Variants in PCDHA3 observed in about 807,000 individuals in gnomAD.
PCDHA3 encodes protocadherin alpha-3.
PCDHA3 carries 41 observed loss-of-function variants against 62.2 expected under a neutral mutation model. That is an observed-to-expected ratio of 0.66 (90% CI 0.51 to 0.86). The LOEUF is 0.86. Ranked by LOEUF, PCDHA3 falls within the 40% of genes least tolerant of loss-of-function variation. The pLI is 0.00. For missense variants in PCDHA3, 1,304 were observed against 1,241.2 expected (o/e 1.05, Z -0.76); for synonymous variants, 640 against 555.4 (o/e 1.15, Z -2.14).
At chr5:140,929,555 C>A in intron 1 of PCDHA3, 1 of 485,752 alleles carries the variant, frequency 2.1e-6, no homozygotes, top group Non-Finnish European at 3.5e-6. Context: ...AAATTAAAAC[C>A]TATTTAAGAA....
chr5:140,883,071 A>T, intron 1 of PCDHA3: 1 of 1,614,116 alleles, frequency 6.2e-7, no homozygotes, highest in Non-Finnish European at 8.5e-7. Context: ...AATGCCACAG[A>T]TCCTGATGAT....
chr5:140,927,482 C>G, intron 1 of PCDHA3: 1 of 1,614,086 alleles, frequency 6.2e-7, no homozygotes, highest in Non-Finnish European at 8.5e-7. Flanking sequence ...GAACAGCGCG[C>G]CACCCACCTG....
chr5:140,987,391 G>A (rs1277678841), intron 3 of PCDHA3, among the ~76,000 whole-genome samples: 1 of 152,140 alleles, frequency 6.6e-6, no homozygotes, highest in Non-Finnish European at 1.5e-5. Flanking sequence ...ATGCATGCAA[G>A]GAAGCCATCT....
At chr5:140,899,403 G>A (rs1458189120) in intron 1 of PCDHA3, among the ~76,000 whole-genome samples, 6 of 152,230 alleles carry the variant, frequency 3.9e-5, no homozygotes, top group Admixed American at 1.3e-4. Context: ...AGCATGAAGG[G>A]TTGTTGAATT....
chr5:140,968,094 A>G, intron 1 of PCDHA3: 1 of 1,614,138 alleles, frequency 6.2e-7, no homozygotes. Flanking sequence ...ACAGCCACAG[A>G]TGGGGGAATA....
chr5:140,896,046 G>A (rs1430238321), intron 1 of PCDHA3, among the ~76,000 whole-genome samples: 2 of 151,866 alleles, frequency 1.3e-5, no homozygotes, highest in East Asian at 1.9e-4. Context: ...CCTGACCTCA[G>A]GTGATCCGCC....
chr5:140,802,517 C>A lies in PCDHA3; in HGVS notation c.1320C>A (p.Ser440Arg), dbSNP rs1762935362. The A allele has an allele frequency of 4.3e-6, 7 of 1,614,132 alleles. No individual in the cohort carries two copies. Among genetic ancestry groups the A allele is most frequent in the South Asian group, 2.2e-5 (2 of 91,074 alleles). ...CGCCTTCACTGTGGGCCACGGCCAG[C>A]GTGTCCGTGGAGGTGGCCGACGTGA... ...GGSPSLWATASVSVEVADVND... is the reference protein window; with the variant it reads ...GGSPSLWATARVSVEVADVND... Residue 440 changes from serine (S) to arginine (R), a missense_variant, in exon 1 of 4, where the codon AGC (serine) becomes AGA (arginine). Transcript: ENST00000522353.
rs191500915 is a variant in PCDHA3, at chr5:140,840,115, G to A, written c.2394+36524G>A. Among the ~76,000 whole-genome samples, 14 of 152,082 alleles carry A rather than the reference G, an allele frequency of 9.2e-5. No individual in the cohort carries two copies. In the East Asian group the frequency reaches 2.7e-3, roughly 29 times the overall value. ...AAGATTTTAGTGAAATCGAGTGAAA[G>A]CTGTACTAATAAGGACAGAAATTAT... is the stretch of plus-strand genomic sequence containing the variant. On this transcript the variant is annotated intron_variant, in intron 1 of 3. Coordinates refer to ENST00000522353, the MANE Select transcript of PCDHA3 (RefSeq NM_018906.3).
At chr5:140,829,449 C>T (rs2150168143) in intron 1 of PCDHA3, 10 of 1,613,808 alleles carry the variant, frequency 6.2e-6, no homozygotes, top group African/African-American at 5.3e-5. Context: ...GACAATGCTC[C>T]GGCGTTCGCG....
At chr5:140,920,932 G>A (rs2079937589) in intron 1 of PCDHA3, among the ~76,000 whole-genome samples, 1 of 151,286 alleles carries the variant, frequency 6.6e-6, no homozygotes, top group Admixed American at 6.6e-5. Flanking sequence ...AGGTGATCTA[G>A]CCCTTTCATT....
chr5:141,007,174 G>T (rs926344346), intron 3 of PCDHA3, among the ~76,000 whole-genome samples: 9 of 152,118 alleles, frequency 5.9e-5, no homozygotes, highest in African/African-American at 2.2e-4. Context: ...AGAGAGAAAG[G>T]TCAGGAGAAT....
intron 1 of PCDHA3, chr5:140,836,144 G>A (rs2150253955): frequency 1.5e-5 from 25 of 1,613,780 alleles, no homozygotes; most frequent in Non-Finnish European, 2.1e-5. Context: ...CTGTGGGCGC[G>A]GGCCATGTGG....
chr5:140,831,960 C>A (rs2150110933), intron 1 of PCDHA3, among the ~76,000 whole-genome samples: 1 of 152,212 alleles, frequency 6.6e-6, no homozygotes, highest in East Asian at 1.9e-4. Context: ...AACTTTATGT[C>A]ATTTTATGCT....
intron 1 of PCDHA3, chr5:140,876,328 C>T: frequency 6.2e-7 from 1 of 1,613,940 alleles, no homozygotes; most frequent in Non-Finnish European, 8.5e-7. Context: ...AATGATTTTG[C>T]CAGTGAGTGA....
At position 140,928,189 on chromosome 5, in the gene PCDHA3, G is replaced by GTGA. The variant is rs1321549982; in HGVS notation, c.2395-50758_2395-50757insATG. On this transcript the variant is annotated intron_variant, in intron 1 of 3. Transcript: ENST00000522353. The stretch of plus-strand genomic sequence containing the variant: ...ACTTAGCACCCGAAGGACAATCACT[G>GTGA]TGTCAGTTGCTGATGTGAATGACAA... 5 of 1,614,096 alleles carry GTGA rather than the reference G, an allele frequency of 3.1e-6. No homozygotes were observed. In the East Asian group the frequency reaches 8.9e-5, roughly 29 times the overall value.
intron 1 of PCDHA3, chr5:140,927,999 C>T: frequency 6.2e-7 from 1 of 1,614,174 alleles, no homozygotes; most frequent in Non-Finnish European, 8.5e-7. Flanking sequence ...ATGAAGACCT[C>T]GATTCTAATG....
chr5:140,941,173 A>G (rs1235741316), intron 1 of PCDHA3, among the ~76,000 whole-genome samples: 5 of 135,522 alleles, frequency 3.7e-5, no homozygotes, highest in Non-Finnish European at 4.9e-5. Flanking sequence ...CCCCATCTTG[A>G]ACATCCTGCT....
At chr5:140,878,899 G>T (rs1301967468) in intron 1 of PCDHA3, among the ~76,000 whole-genome samples, 2 of 152,152 alleles carry the variant, frequency 1.3e-5, no homozygotes, top group Non-Finnish European at 2.9e-5. Context: ...CTACAGGCAG[G>T]CTCCACCACT....
At chr5:140,967,355 C>G in intron 1 of PCDHA3, 1 of 1,608,112 alleles carries the variant, frequency 6.2e-7, no homozygotes, top group Non-Finnish European at 8.5e-7. Context: ...CGAGCTGGAC[C>G]TTAAGCCCCT....
Sources: allele counts gnomAD v4.1 joint callset (sites outside exome capture counted in the v4.1 genomes callset), GRCh38; gene constraint gnomAD v4.1.1; transcripts MANE v1.5; gene names NCBI Gene and HGNC (gene_info 2026-07-23, HGNC 2026-07-21).